The following TNIK variants were observed in gnomAD, a reference collection of about 807,000 sequenced individuals.
TNIK encodes the protein TRAF2 and NCK interacting kinase.
Under a neutral mutation model 191.3 loss-of-function variants are expected in TNIK, and 49 were observed. That is an observed-to-expected ratio of 0.26 (90% confidence interval 0.20 to 0.32). TNIK has a LOEUF of 0.32. Among genes scored for constraint, TNIK ranks in the 10% least tolerant of loss-of-function variants. TNIK has a pLI of 1.00. For synonymous variants in TNIK, 594 were observed against 600.9 expected (o/e 0.99, Z 0.17); for missense variants, 1,155 against 1,702.3 (o/e 0.68, Z 5.66).
intron 2 of TNIK, among the ~76,000 whole-genome samples, chr3:171,360,017 G>T (rs1714736489): frequency 6.6e-6 from 1 of 152,112 alleles, no homozygotes; most frequent in South Asian, 2.1e-4. Context: ...CAAGTTATTT[G>T]GCAACTCATT....
At chr3:171,431,950 A>G (rs1019116488) in intron 1 of TNIK, among the ~76,000 whole-genome samples, 3 of 152,262 alleles carry the variant, frequency 2.0e-5, no homozygotes, top group Admixed American at 6.5e-5. Context: ...ACACTGGGAA[A>G]TGATTGATTT....
intron 1 of TNIK, among the ~76,000 whole-genome samples, chr3:171,404,528 G>GT (rs933967968): frequency 0.029 from 4,133 of 142,542 alleles, 178 homozygotes; most frequent in African/African-American, 0.099. Flanking sequence ...CCTTGAGTTT[G>GT]TTTTTTTTTT....
chr3:171,097,718 C>T (rs1171421285), intron 22 of TNIK, among the ~76,000 whole-genome samples: 1 of 152,190 alleles, frequency 6.6e-6, no homozygotes, highest in Non-Finnish European at 1.5e-5. Flanking sequence ...GTCCATTAAA[C>T]CTCTTTTTCT....
intron 9 of TNIK, among the ~76,000 whole-genome samples, chr3:171,174,078 ACT>A (rs1261100956): frequency 6.6e-6 from 1 of 151,742 alleles, no homozygotes; most frequent in Non-Finnish European, 1.5e-5. Flanking sequence ...ACCAATAGCA[ACT>A]CTCACTCCCC....
At chr3:171,122,348 A>T (rs761611832) in intron 18 of TNIK, among the ~76,000 whole-genome samples, 14 of 152,208 alleles carry the variant, frequency 9.2e-5, no homozygotes, top group Non-Finnish European at 1.5e-4. Flanking sequence ...CAGGCTGGCG[A>T]TCCAGCACTA....
Position 171,128,886 on chromosome 3 carries a change from C to CAAAAAAA in TNIK, c.1609-9_1609-8insTTTTTTT. The CAAAAAAA allele has an allele frequency of 8.3e-7, 1 of 1,202,234 alleles. No homozygotes were observed. The highest frequency in any genetic ancestry group is 1.0e-6 in the Non-Finnish European group (1 of 954,652). The allele number at this position is 1,202,234 out of a possible 1,614,324, so 74.5% of individuals were successfully genotyped here. A position where few individuals can be genotyped will look rare whatever the true frequency, so the allele number is the denominator to read the frequency against. On this transcript the variant is annotated splice_polypyrimidine_tract_variant and intron_variant, in intron 15 of 32. Transcript: ENST00000436636. Reference sequence around the variant, plus strand: ...CCTTGACCGTTCTTCTACCTACAACCCAAAAAAAAAAAAAAAAAAAAGACA... The same window carrying CAAAAAAA: ...CCTTGACCGTTCTTCTACCTACAACCAAAAAAACAAAAAAAAAAAAAAAAAAAAGACA...
chr3:171,231,378 GAA>G (rs1743626553), intron 2 of TNIK, among the ~76,000 whole-genome samples: 1 of 151,384 alleles, frequency 6.6e-6, no homozygotes, highest in Non-Finnish European at 1.5e-5. Flanking sequence ...CACTGGAAAA[GAA>G]AACAACACTT....
At position 171,194,624 on chromosome 3, in the gene TNIK, C is replaced by A; in HGVS notation, c.318G>T (p.Glu106Asp). ...GMDDQLWLVM[E>D]FCGAGSVTDL... ...CGGTGACAGAGCCAGCACCACAAAACTCCATCACCAACTGGCAAAGGAAGC... is the reference window on the plus strand; with the variant it reads ...CGGTGACAGAGCCAGCACCACAAAAATCCATCACCAACTGGCAAAGGAAGC... The change falls in exon 5 of 33, where the codon GAG (glutamate) becomes GAT (aspartate). Residue 106 changes from glutamate (E) to aspartate (D), a missense_variant. Glu to Asp is a conservative substitution (Grantham distance 45, BLOSUM62 2). Transcript: ENST00000436636. The A allele has an allele frequency of 6.2e-7, 1 of 1,613,668 alleles. No homozygotes were observed. The highest frequency in any genetic ancestry group is 8.5e-7 in the Non-Finnish European group (1 of 1,179,782).
intron 2 of TNIK, among the ~76,000 whole-genome samples, chr3:171,325,530 A>T (rs1755656102): frequency 6.6e-6 from 1 of 152,196 alleles, no homozygotes; most frequent in Admixed American, 6.5e-5. Flanking sequence ...TGTTATCTGA[A>T]ATTCAAATGT....
chr3:171,274,108 G>C (rs1382310429), intron 2 of TNIK, among the ~76,000 whole-genome samples: 1 of 152,160 alleles, frequency 6.6e-6, no homozygotes, highest in African/African-American at 2.4e-5. Flanking sequence ...TGAAACAAGA[G>C]CCCCAGGGCC....
At chr3:171,358,985 A>G (rs1223414583) in intron 2 of TNIK, among the ~76,000 whole-genome samples, 1 of 152,172 alleles carries the variant, frequency 6.6e-6, no homozygotes, top group Non-Finnish European at 1.5e-5. Context: ...GTTAATATTT[A>G]ACTGGTTCAG....
Position 171,187,886 on chromosome 3 carries a change from G to A in TNIK, c.639+816C>T, listed in dbSNP as rs746099888. ...TCCTGTAATGTACACAAAGACCACA[G>A]GGTGTCTCTCTACCTAATGCACAGC... On this transcript the variant is annotated intron_variant, in intron 7 of 32. Transcript: ENST00000436636. Among the ~76,000 whole-genome samples, 18 of 152,192 alleles carry A rather than the reference G, an allele frequency of 1.2e-4. 1 individual carries two copies. The highest frequency in any genetic ancestry group is 8.8e-5 in the Non-Finnish European group (6 of 68,038).
At chr3:171,311,485 C>T (rs997963556) in intron 2 of TNIK, among the ~76,000 whole-genome samples, 1 of 152,138 alleles carries the variant, frequency 6.6e-6, no homozygotes, top group African/African-American at 2.4e-5. Context: ...GATGAAGAAA[C>T]TGATGCTCAC....
chr3:171,361,637 A>T (rs1200508957), intron 2 of TNIK, among the ~76,000 whole-genome samples: 1 of 152,136 alleles, frequency 6.6e-6, no homozygotes, highest in East Asian at 1.9e-4. Flanking sequence ...TTCTAGCAAA[A>T]CTACACTTTA....
intron 2 of TNIK, among the ~76,000 whole-genome samples, chr3:171,314,611 G>A (rs565772882): frequency 5.3e-5 from 8 of 152,218 alleles, no homozygotes; most frequent in African/African-American, 1.2e-4. Context: ...TCATTAATTC[G>A]CTTGTTCATT....
intron 2 of TNIK, among the ~76,000 whole-genome samples, chr3:171,356,342 C>T (rs1222919681): frequency 2.0e-5 from 3 of 152,082 alleles, no homozygotes; most frequent in Non-Finnish European, 2.9e-5. Flanking sequence ...AGGTATGCCG[C>T]TTCCTTTTTT....
chr3:171,089,673 TTC>T (rs1187178868), intron 23 of TNIK, among the ~76,000 whole-genome samples: 6 of 152,288 alleles, frequency 3.9e-5, no homozygotes, highest in Admixed American at 3.9e-4. Flanking sequence ...ATTAAACACT[TTC>T]TGTGTGCCAA....
intron 2 of TNIK, among the ~76,000 whole-genome samples, chr3:171,324,709 T>C (rs1303133314): frequency 6.6e-6 from 1 of 151,372 alleles, no homozygotes; most frequent in Non-Finnish European, 1.5e-5. Context: ...GTTTTGTTGT[T>C]ATTGTTGTTG....
At chr3:171,375,398 C>T (rs1047913017) in intron 1 of TNIK, among the ~76,000 whole-genome samples, 3 of 152,158 alleles carry the variant, frequency 2.0e-5, no homozygotes, top group African/African-American at 7.2e-5. Context: ...AATAATATTA[C>T]CCACCACATG....
Sources: gnomAD v4.1 joint callset for allele counts (sites outside exome capture counted in the v4.1 genomes callset) on GRCh38, gnomAD v4.1.1 for gene constraint, MANE v1.5 for transcripts, NCBI Gene and HGNC (gene_info 2026-07-23, HGNC 2026-07-21) for gene names.